Variants in DPP10 observed in about 807,000 individuals in gnomAD.
DPP10 encodes inactive dipeptidyl peptidase 10.
In DPP10, 33 loss-of-function variants were observed where a neutral mutation model predicts 120.9. The ratio of observed to expected loss-of-function variants is 0.27; its 90% confidence interval spans 0.21 to 0.37. The LOEUF (loss-of-function observed/expected upper bound fraction) is 0.37. Ranked by LOEUF, DPP10 falls within the 10% of genes least tolerant of loss-of-function variation. The pLI, the probability that DPP10 is intolerant of heterozygous loss-of-function variation, is 1.00. For synonymous variants in DPP10, 337 were observed against 326.1 expected, an observed-to-expected ratio of 1.03 and a Z score of -0.36; for missense variants, 816 against 942.8, an observed-to-expected ratio of 0.87 and a Z score of 1.76.
chr2:115,202,056 G>T (rs1395618742), intron 1 of DPP10, among the ~76,000 whole-genome samples: 1 of 151,996 alleles, frequency 6.6e-6, no homozygotes, highest in African/African-American at 2.4e-5. Context: ...TTATCAAGGT[G>T]GTTTTACATT....
At chr2:114,857,339 A>G (rs1689451989) in intron 1 of DPP10, among the ~76,000 whole-genome samples, 1 of 152,246 alleles carries the variant, frequency 6.6e-6, no homozygotes, top group South Asian at 2.1e-4. Context: ...TTTGCATGGC[A>G]GCATTCTTTA....
intron 3 of DPP10, among the ~76,000 whole-genome samples, chr2:115,354,454 T>G (rs1435262415): frequency 6.6e-6 from 1 of 152,148 alleles, no homozygotes; most frequent in African/African-American, 2.4e-5. Context: ...TAGTTTTAGT[T>G]TTTTTGTTTC....
At chr2:114,656,724 T>C (rs1558973403) in intron 1 of DPP10, among the ~76,000 whole-genome samples, 1 of 152,126 alleles carries the variant, frequency 6.6e-6, no homozygotes, top group Non-Finnish European at 1.5e-5. Context: ...AAGTGACTGT[T>C]GTAGAAGAAT....
chr2:115,771,449 A>G (rs1575734274), intron 13 of DPP10, among the ~76,000 whole-genome samples: 1 of 152,314 alleles, frequency 6.6e-6, no homozygotes, highest in East Asian at 1.9e-4. Flanking sequence ...AATGATTCAG[A>G]GTTAAAAGCC....
intron 21 of DPP10, 144 bp downstream of exon 21, chr2:115,815,873 C>A (rs1338465227): frequency 1.3e-5 from 10 of 795,950 alleles, no homozygotes; most frequent in Non-Finnish European, 1.7e-5. Context: ...GAAAACCTCA[C>A]TGTAGCAAGA....
Position 115,762,254 on chromosome 2 carries a change from G to A in DPP10, c.1075-318G>A, listed in dbSNP as rs147275236. Among the ~76,000 whole-genome samples, 725 of 152,264 alleles carry A rather than the reference G, an allele frequency of 4.8e-3. 6 individuals carry two copies. Among genetic ancestry groups the A allele is most frequent in the African/African-American group, 0.016 (648 of 41,554 alleles). On this transcript the variant is annotated intron_variant, in intron 11 of 25. Transcript: ENST00000410059. The stretch of plus-strand genomic sequence containing the variant: ...CCAATGATGCCTAGAGGTGAAAAGA[G>A]ACAGTGTCTGGTGGTTCAAAACAGT...
chr2:114,597,908 A>G (rs750960551), intron 1 of DPP10, among the ~76,000 whole-genome samples: 5 of 151,894 alleles, frequency 3.3e-5, no homozygotes, highest in Admixed American at 6.6e-5. Context: ...ATCATTTTTG[A>G]CCACACCAAT....
chr2:114,798,575 C>G (rs529335306), intron 1 of DPP10, among the ~76,000 whole-genome samples: 42 of 152,202 alleles, frequency 2.8e-4, no homozygotes, highest in Admixed American at 1.5e-3. Flanking sequence ...ATGATTGCAT[C>G]TGCATGAAGG....
At chr2:114,690,015 T>C (rs1481708702) in intron 1 of DPP10, among the ~76,000 whole-genome samples, 1 of 152,128 alleles carries the variant, frequency 6.6e-6, no homozygotes, top group Non-Finnish European at 1.5e-5. Flanking sequence ...TGCAAAATTT[T>C]CTCCCATTCT....
chr2:114,898,581 A>C (rs1408214177), intron 1 of DPP10, among the ~76,000 whole-genome samples: 10 of 152,226 alleles, frequency 6.6e-5, no homozygotes, highest in Non-Finnish European at 1.3e-4. Flanking sequence ...TAAATATTGT[A>C]ATGGACAGTT....
intron 3 of DPP10, among the ~76,000 whole-genome samples, chr2:115,377,239 C>A (rs1318082783): frequency 6.6e-6 from 1 of 150,942 alleles, no homozygotes; most frequent in Admixed American, 6.6e-5. Context: ...TTAATGATTG[C>A]CATTCTAACT....
At chr2:115,532,022 C>A (rs1166285004) in intron 5 of DPP10, among the ~76,000 whole-genome samples, 2 of 152,076 alleles carry the variant, frequency 1.3e-5, no homozygotes, top group Admixed American at 6.6e-5. Flanking sequence ...TTGATCCACT[C>A]TACTGTTGAT....
At chr2:115,131,285 C>G (rs558817321) in intron 1 of DPP10, among the ~76,000 whole-genome samples, 16 of 152,248 alleles carry the variant, frequency 1.1e-4, no homozygotes, top group African/African-American at 3.9e-4. Context: ...GAGGCCAAGG[C>G]AGGAGCATTA....
At chr2:115,285,017 C>T (rs2060307966) in intron 1 of DPP10, among the ~76,000 whole-genome samples, 1 of 152,020 alleles carries the variant, frequency 6.6e-6, no homozygotes, top group African/African-American at 2.4e-5. Context: ...ATTGCACGTT[C>T]ATATAATGTC....
intron 1 of DPP10, among the ~76,000 whole-genome samples, chr2:115,023,970 G>A (rs548554067): frequency 4.3e-4 from 66 of 152,156 alleles, no homozygotes; most frequent in African/African-American, 1.6e-3. Context: ...AGGCTGCAAA[G>A]GGATAAGACT....
chr2:115,383,276 G>C (rs2066562447), intron 3 of DPP10, among the ~76,000 whole-genome samples: 1 of 152,158 alleles, frequency 6.6e-6, no homozygotes, highest in Admixed American at 6.5e-5. Context: ...TCATGATAGT[G>C]AATAAGTCTC....
intron 1 of DPP10, 48 bp from the exon 2 acceptor site, chr2:115,309,191 T>A: frequency 6.9e-7 from 1 of 1,445,498 alleles, no homozygotes; most frequent in Non-Finnish European, 9.6e-7. Context: ...TGAATACATT[T>A]CTCTTGGAGC....
intron 2 of DPP10, among the ~76,000 whole-genome samples, chr2:115,338,317 T>G (rs1396868460): frequency 6.6e-6 from 1 of 152,172 alleles, no homozygotes; most frequent in African/African-American, 2.4e-5. Context: ...TTATGTAATT[T>G]TTATATCAAT....
intron 1 of DPP10, among the ~76,000 whole-genome samples, chr2:114,927,878 G>T (rs753709976): frequency 6.6e-6 from 1 of 152,222 alleles, no homozygotes; most frequent in Non-Finnish European, 1.5e-5. Flanking sequence ...AGGGGAGCCA[G>T]TATGTGCAGA....
Sources: gnomAD v4.1 joint callset for allele counts (sites outside exome capture counted in the v4.1 genomes callset) on GRCh38, gnomAD v4.1.1 for gene constraint, MANE v1.5 for transcripts, NCBI Gene and HGNC (gene_info 2026-07-23, HGNC 2026-07-21) for gene names.